RPS6KC1: variants seen among roughly 807,000 people sequenced by gnomAD.
RPS6KC1 encodes inactive ribosomal protein S6 kinase delta-1.
Under a neutral mutation model 103.8 loss-of-function variants are expected in RPS6KC1, and 54 were observed. The ratio of observed to expected loss-of-function variants is 0.52; its 90% CI spans 0.42 to 0.65. The LOEUF is 0.65. Ranked by LOEUF, RPS6KC1 falls within the 30% of genes least tolerant of loss-of-function variation. The pLI is 0.00. For synonymous variants in RPS6KC1, 439 were observed against 438.7 expected (o/e 1.00, Z -0.01); for missense variants, 1,151 against 1,253.8 (o/e 0.92, Z 1.24).
chr1:213,404,513 A>G, the RPS6KC1 span, among the ~76,000 whole-genome samples: 1 of 152,124 alleles, frequency 6.6e-6, no homozygotes, highest in South Asian at 2.1e-4. Context: ...TCCTTCCACA[A>G]ACATTTAGTG....
the RPS6KC1 span, among the ~76,000 whole-genome samples, chr1:213,793,383 C>T: frequency 6.6e-6 from 1 of 152,198 alleles, no homozygotes; most frequent in Non-Finnish European, 1.5e-5. Context: ...CTCGCGACTG[C>T]CGTGCTCCCA....
the RPS6KC1 span, among the ~76,000 whole-genome samples, chr1:213,419,406 G>A: frequency 6.6e-6 from 1 of 152,200 alleles, no homozygotes; most frequent in African/African-American, 2.4e-5. Flanking sequence ...CTTACTATGT[G>A]CTGGGTCCTA....
the RPS6KC1 span, among the ~76,000 whole-genome samples, chr1:213,589,365 G>A: frequency 8.8e-4 from 134 of 152,290 alleles, no homozygotes; most frequent in African/African-American, 3.1e-3. Context: ...TGGCTCTAGA[G>A]CTGGGCGCAG....
the RPS6KC1 span, among the ~76,000 whole-genome samples, chr1:213,596,745 C>T: frequency 6.6e-6 from 1 of 152,240 alleles, no homozygotes; most frequent in Non-Finnish European, 1.5e-5. Context: ...GGCTTTATAA[C>T]TTTCATTTTC....
the RPS6KC1 span, among the ~76,000 whole-genome samples, chr1:213,692,145 G>A: frequency 1.3e-5 from 2 of 152,204 alleles, no homozygotes; most frequent in African/African-American, 4.8e-5. Flanking sequence ...GCTCACACCT[G>A]TAATCCCAGC....
At chr1:213,375,948 A>G in the RPS6KC1 span, among the ~76,000 whole-genome samples, 6 of 152,336 alleles carry the variant, frequency 3.9e-5, no homozygotes, top group East Asian at 9.6e-4. Context: ...GGAAAGAGAA[A>G]GACTCCCTCA....
At chr1:213,630,198 T>TC in the RPS6KC1 span, among the ~76,000 whole-genome samples, 2 of 152,244 alleles carry the variant, frequency 1.3e-5, no homozygotes, top group South Asian at 4.1e-4. Flanking sequence ...GGTTCCATTC[T>TC]CCCCGTCACT....
rs190710060 is a variant in RPS6KC1 at position 213,214,852 on chromosome 1, A to G, written c.1045-15645A>G. Among the ~76,000 whole-genome samples, 52 of 152,298 alleles carry G rather than the reference A, an allele frequency of 3.4e-4. 1 individual carries two copies. The East Asian group carries it at 8.9e-3, about 26-fold the overall frequency. On this transcript the variant is annotated intron_variant, in intron 8 of 14. Transcript: ENST00000366960. Reference sequence around the variant, plus strand: ...GAATGAAAACTAACAAACAGAAAGGACGTCGACACCAAAACCCCATCTGTA... The same window carrying G: ...GAATGAAAACTAACAAACAGAAAGGGCGTCGACACCAAAACCCCATCTGTA...
At chr1:213,323,794 T>C in the RPS6KC1 span, among the ~76,000 whole-genome samples, 1 of 152,226 alleles carries the variant, frequency 6.6e-6, no homozygotes, top group African/African-American at 2.4e-5. Flanking sequence ...TACTCATGCA[T>C]AGTCTCCTCT....
At chr1:213,520,623 T>C in the RPS6KC1 span, among the ~76,000 whole-genome samples, 4 of 152,152 alleles carry the variant, frequency 2.6e-5, no homozygotes, top group East Asian at 7.7e-4. Context: ...CTTCCTTTAT[T>C]CTTTTTATCA....
the RPS6KC1 span, among the ~76,000 whole-genome samples, chr1:213,398,237 G>T: frequency 6.5e-4 from 97 of 149,162 alleles, 1 homozygote; most frequent in African/African-American, 2.3e-3. Context: ...GTAGAGACAG[G>T]GTTTCACCAT....
the RPS6KC1 span, among the ~76,000 whole-genome samples, chr1:213,305,306 C>T: frequency 9.2e-5 from 14 of 152,304 alleles, no homozygotes; most frequent in African/African-American, 3.4e-4. Context: ...TGGTCTCGAA[C>T]TCCTGACGTC....
chr1:213,600,465 T>C, the RPS6KC1 span, among the ~76,000 whole-genome samples: 1 of 152,202 alleles, frequency 6.6e-6, no homozygotes, highest in African/African-American at 2.4e-5. Flanking sequence ...AACTTGTTTT[T>C]CTAATCGGGC....
chr1:213,568,229 C>T, the RPS6KC1 span, among the ~76,000 whole-genome samples: 1 of 152,146 alleles, frequency 6.6e-6, no homozygotes, highest in African/African-American at 2.4e-5. Context: ...TAAGGTATTT[C>T]CTGGGACATG....
the RPS6KC1 span, among the ~76,000 whole-genome samples, chr1:213,535,807 G>A: frequency 3.9e-5 from 6 of 152,230 alleles, no homozygotes; most frequent in East Asian, 1.9e-4. Flanking sequence ...TCTTTTAGGC[G>A]CGAGGAGTCC....
chr1:213,812,816 A>T, the RPS6KC1 span, among the ~76,000 whole-genome samples: 1 of 152,168 alleles, frequency 6.6e-6, no homozygotes, highest in African/African-American at 2.4e-5. Context: ...TTTAACTCCC[A>T]CTGAATGTGG....
At chr1:213,723,056 T>TGTAGTCCCAGCTACTCAGGA in the RPS6KC1 span, among the ~76,000 whole-genome samples, 1 of 152,118 alleles carries the variant, frequency 6.6e-6, no homozygotes, top group Admixed American at 6.5e-5. Flanking sequence ...GGCAGGTGCC[T>TGTAGTCCCAGCTACTCAGGA]GTAGTCCCAG....
At chr1:213,586,402 T>C in the RPS6KC1 span, among the ~76,000 whole-genome samples, 5 of 152,228 alleles carry the variant, frequency 3.3e-5, no homozygotes, top group Non-Finnish European at 7.3e-5. Context: ...TGGGAGCCTG[T>C]AAAAACTGTC....
intron 8 of RPS6KC1, among the ~76,000 whole-genome samples, chr1:213,226,982 T>A (rs552957789): frequency 2.0e-3 from 302 of 152,344 alleles, no homozygotes; most frequent in African/African-American, 7.0e-3. Flanking sequence ...ACTTATTATC[T>A]TTGTGAGTAT....
Sources: gnomAD v4.1 joint callset for allele counts (sites outside exome capture counted in the v4.1 genomes callset) on GRCh38, gnomAD v4.1.1 for gene constraint, MANE v1.5 for transcripts, NCBI Gene and HGNC (gene_info 2026-07-23, HGNC 2026-07-21) for gene names.